Variants in SLC9B1 observed in about 807,000 individuals in gnomAD.
The protein encoded by SLC9B1 is sodium/hydrogen exchanger 9B1.
A neutral mutation model predicts 51.7 loss-of-function variants in SLC9B1; 32 were observed. The ratio of observed to expected loss-of-function variants is 0.62; its 90% confidence interval spans 0.47 to 0.83. SLC9B1 has a LOEUF of 0.83. Ranked by LOEUF, SLC9B1 falls within the 40% of genes least tolerant of loss-of-function variation. The pLI, the probability that SLC9B1 is intolerant of heterozygous loss-of-function variation, is 0.00. For missense variants in SLC9B1, 406 were observed against 613.2 expected (o/e 0.66, Z 3.57); for synonymous variants, 145 against 212.7 (o/e 0.68, Z 2.77).
chr4:102,936,104 T>C (rs1049435582), intron 6 of SLC9B1, among the ~76,000 whole-genome samples: 1 of 152,248 alleles, frequency 6.6e-6, no homozygotes, highest in South Asian at 2.1e-4. Flanking sequence ...GTGGGTATGG[T>C]ACCAGCCCTG....
chr4:102,933,360 A>G (rs1293592102), intron 6 of SLC9B1, among the ~76,000 whole-genome samples: 2 of 152,154 alleles, frequency 1.3e-5, no homozygotes, highest in Non-Finnish European at 2.9e-5. Flanking sequence ...TATGCTACAG[A>G]TTTCCCTGTG....
At position 102,974,242 on chromosome 4, in the gene SLC9B1, G is replaced by GAAAAAAAAAAAA. The variant is rs141412944; in HGVS notation, c.211+15546_211+15557dup. ...ACAGAGCAAGACTCTGTCTAAAATT[G>GAAAAAAAAAAAA]AAAAAAAAAAAAAAAAAAAAAAAAT... is the stretch of plus-strand genomic sequence containing the variant. On this transcript the variant is annotated intron_variant, in intron 3 of 11. Transcript: ENST00000296422. Among the ~76,000 whole-genome samples the GAAAAAAAAAAAA allele has an allele frequency of 1.0e-3, 56 of 53,344 alleles. 8 individuals are homozygous for GAAAAAAAAAAAA. The highest frequency in any genetic ancestry group is 0.042 in the Middle Eastern group (2 of 48). The allele number at this position is 53,344 out of a possible 152,430, so 35.0% of individuals were successfully genotyped here. A position where few individuals can be genotyped will look rare whatever the true frequency, so the allele number is the denominator to read the frequency against.
intron 3 of SLC9B1, among the ~76,000 whole-genome samples, chr4:102,978,064 T>C (rs1739166195): frequency 6.6e-6 from 1 of 152,124 alleles, no homozygotes; most frequent in South Asian, 2.1e-4. Context: ...AGGTGTTTGG[T>C]TTTTTGTCCT....
chr4:102,998,653 T>C (rs189627638), intron 1 of SLC9B1, among the ~76,000 whole-genome samples: 13 of 152,052 alleles, frequency 8.5e-5, no homozygotes, highest in Non-Finnish European at 1.8e-4. Flanking sequence ...ACATCAACGA[T>C]GCACAATGAT....
chr4:102,885,821 C>T (rs1320027920), intron 11 of SLC9B1, among the ~76,000 whole-genome samples: 1 of 152,164 alleles, frequency 6.6e-6, no homozygotes, highest in Non-Finnish European at 1.5e-5. Flanking sequence ...CTCTAATCTT[C>T]AGGGTTTGTT....
At chr4:102,970,364 C>A (rs1360332671) in intron 3 of SLC9B1, among the ~76,000 whole-genome samples, 2 of 152,166 alleles carry the variant, frequency 1.3e-5, no homozygotes, top group Non-Finnish European at 2.9e-5. Context: ...ATTTTCAACT[C>A]AGAATTTCAT....
intron 3 of SLC9B1, among the ~76,000 whole-genome samples, chr4:102,981,892 C>T (rs1037821378): frequency 5.3e-4 from 81 of 152,160 alleles, no homozygotes; most frequent in African/African-American, 1.9e-3. Context: ...GAAGAACATA[C>T]ATTTTAATGT....
intron 4 of SLC9B1, among the ~76,000 whole-genome samples, chr4:102,947,021 G>A (rs184146076): frequency 1.3e-5 from 2 of 152,294 alleles, no homozygotes; most frequent in Admixed American, 6.5e-5. Context: ...AAGGAAAGGA[G>A]GGAGGAGAAT....
intron 9 of SLC9B1, among the ~76,000 whole-genome samples, chr4:102,908,732 T>G (rs1214520990): frequency 6.6e-6 from 1 of 152,308 alleles, no homozygotes; most frequent in Non-Finnish European, 1.5e-5. Context: ...ACCCAATAGG[T>G]TTGGTCATAG....
Position 102,905,650 on chromosome 4 carries a change from C to A in SLC9B1, c.1196G>T (p.Gly399Val). 1 of 1,608,192 alleles carries A rather than the reference C, an allele frequency of 6.2e-7. No homozygotes were observed. Among genetic ancestry groups the A allele is most frequent in the South Asian group, 1.1e-5 (1 of 89,968 alleles). ...SVSSLESNIVGISVATLSLAL... is the reference protein window; with the variant it reads ...SVSSLESNIVVISVATLSLAL... The stretch of plus-strand genomic sequence containing the variant: ...CAAACTTAGAGTGGCAACAGATATG[C>A]CTACAACAGATGAAAACAAACATAA... The change falls in exon 11 of 12, where the codon GGC becomes GTC. Residue 399 changes from glycine (G) to valine (V), a missense_variant and splice_region_variant. Gly to Val is a moderately radical substitution (Grantham distance 109). Transcript: ENST00000296422.
chr4:102,947,065 C>T (rs1158445405), intron 4 of SLC9B1, among the ~76,000 whole-genome samples: 1 of 152,042 alleles, frequency 6.6e-6, no homozygotes, highest in African/African-American at 2.4e-5. Context: ...GAAAGGTCTC[C>T]CCCCACTTTG....
At chr4:102,926,489 C>A (rs935578711) in intron 7 of SLC9B1, among the ~76,000 whole-genome samples, 13 of 152,384 alleles carry the variant, frequency 8.5e-5, no homozygotes, top group African/African-American at 2.9e-4. Flanking sequence ...AGTGAACTCC[C>A]ATTCACAATT....
intron 3 of SLC9B1, among the ~76,000 whole-genome samples, chr4:102,964,754 T>TA (rs1434188121): frequency 3.3e-5 from 5 of 152,070 alleles, no homozygotes; most frequent in Non-Finnish European, 7.4e-5. Flanking sequence ...CTCATATATT[T>TA]AAAAAAATCT....
At chr4:102,885,471 C>G (rs111359083) in intron 11 of SLC9B1, 9 of 1,513,616 alleles carry the variant, frequency 5.9e-6, no homozygotes, top group Non-Finnish European at 8.3e-6. Flanking sequence ...TTTTGCAGTG[C>G]TAGGATTGTT....
At chr4:102,891,540 T>C (rs1365842168) in intron 11 of SLC9B1, 2 of 152,220 alleles carry the variant, frequency 1.3e-5, no homozygotes, top group African/African-American at 4.8e-5. Flanking sequence ...AAAGGCAGGA[T>C]ATGTGTTGCA....
intron 3 of SLC9B1, among the ~76,000 whole-genome samples, chr4:102,971,157 C>T (rs1003179649): frequency 1.3e-5 from 2 of 152,152 alleles, no homozygotes; most frequent in Non-Finnish European, 2.9e-5. Flanking sequence ...ATCTACAGAA[C>T]CCTCCACCCT....
At chr4:102,907,737 AAACTATCTTCAT>A (rs1306416446) in intron 9 of SLC9B1, among the ~76,000 whole-genome samples, 2 of 152,246 alleles carry the variant, frequency 1.3e-5, no homozygotes, top group Non-Finnish European at 2.9e-5. Context: ...CTTGAGGCAT[AAACTATCTTCAT>A]AACTATTTCC....
intron 7 of SLC9B1, among the ~76,000 whole-genome samples, chr4:102,928,457 C>A (rs1736296770): frequency 6.6e-6 from 1 of 152,202 alleles, no homozygotes; most frequent in African/African-American, 2.4e-5. Context: ...CAAAGCCATT[C>A]AACAAGTCTC....
At chr4:102,945,167 A>C (rs373098908) in intron 6 of SLC9B1, 26 bp downstream of exon 6, 1 of 1,541,612 alleles carries the variant, frequency 6.5e-7, no homozygotes, top group Non-Finnish European at 8.8e-7. Context: ...GAATATTTTC[A>C]TAAGAAAAAA....
Sources: gnomAD v4.1 joint callset for allele counts (sites outside exome capture counted in the v4.1 genomes callset) on GRCh38, gnomAD v4.1.1 for gene constraint, MANE v1.5 for transcripts, NCBI Gene and HGNC (gene_info 2026-07-23, HGNC 2026-07-21) for gene names.